The following NRAP variants were observed in gnomAD, a reference collection of about 807,000 sequenced individuals.
NRAP encodes nebulin related anchoring protein.
Under a neutral mutation model 225.9 loss-of-function variants are expected in NRAP, and 189 were observed. The observed-to-expected ratio is 0.84, with a 90% CI of 0.74 to 0.94. The LOEUF (loss-of-function observed/expected upper bound fraction) is 0.94. NRAP is among the 40% of genes least tolerant of loss of function. NRAP has a pLI of 0.00. For missense variants in NRAP, 2,176 were observed against 2,168.7 expected, an observed-to-expected ratio of 1.00 and a Z score of -0.07; for synonymous variants, 769 against 790.7, an observed-to-expected ratio of 0.97 and a Z score of 0.46.
In NRAP at chr10:113,646,909, T is replaced by C. The variant is rs371718380; in HGVS notation, c.993+14A>G. 5.8e-5 allele frequency: 92 copies of C among 1,577,626 alleles called. No homozygotes were observed. The highest frequency in any genetic ancestry group is 3.3e-4 in the Middle Eastern group (2 of 6,006). ...CTGCCTCTGGCTCTGTGGTCACACCTACATGGTACTTACGTCACTAGCGAG... is the reference window on the plus strand; with the variant it reads ...CTGCCTCTGGCTCTGTGGTCACACCCACATGGTACTTACGTCACTAGCGAG... On this transcript the variant is annotated intron_variant, in intron 10 of 41. Coordinates refer to ENST00000359988, the MANE Select transcript of NRAP (RefSeq NM_198060.4).
chr10:113,610,625 G>T, intron 30 of NRAP, 62 bp from the exon 31 acceptor site: 6 of 1,011,922 alleles, frequency 5.9e-6, no homozygotes, highest in Non-Finnish European at 7.8e-6. Context: ...GGGAAGCAAA[G>T]CAAAACCAGA....
Position 113,629,599 on chromosome 10 carries a change from G to A in NRAP, c.2029C>T (p.Leu677Phe). ...ATGTGTGGGCTCACCTCGCTCTGGA[G>A]CCCATAGGCCTTCTTGGCCCACTGA... ...KTQWAKKAYG[L>F]QSELQYKADL... is the part of the protein sequence containing the mutation. The change falls in exon 19 of 42, where the codon CTC becomes TTC. Residue 677 changes from leucine to phenylalanine, a missense_variant. Coordinates refer to ENST00000359988, the MANE Select transcript of NRAP (RefSeq NM_198060.4). The A allele has an allele frequency of 2.5e-6, 4 of 1,610,880 alleles. No homozygotes were observed. The highest frequency in any genetic ancestry group is 3.4e-6 in the Non-Finnish European group (4 of 1,177,210).
intron 26 of NRAP, among the ~76,000 whole-genome samples, chr10:113,616,363 A>C (rs1847662951): frequency 6.6e-6 from 1 of 152,212 alleles, no homozygotes. Flanking sequence ...GGCATCAGCC[A>C]CCAGAGAAAG....
At position 113,612,396 on chromosome 10, in the gene NRAP, C is replaced by A. The variant is rs187548104; in HGVS notation, c.3336G>T (p.Ala1112=). 2.5e-6 allele frequency: 4 copies of A among 1,614,122 alleles called. No individual in the cohort carries two copies. Among genetic ancestry groups the A allele is most frequent in the Middle Eastern group, 1.7e-4 (1 of 6,036 alleles). The change falls in exon 30 of 42, where the codon GCG becomes GCT. Residue 1112 remains alanine (A), a synonymous_variant. Transcript: ENST00000359988. The stretch of plus-strand genomic sequence containing the variant: ...CCATGTCCAACGGCAGATGGAACTG[C>A]GCCTTTGAGTGTTCAAAGCCTTTCT... ...NYKKGFEHSK[A]QFHLPLDMAA... is the part of the protein sequence containing the mutation.
chr10:113,602,368 G>C (rs1053551249), intron 35 of NRAP, among the ~76,000 whole-genome samples: 1 of 152,164 alleles, frequency 6.6e-6, no homozygotes, highest in Non-Finnish European at 1.5e-5. Flanking sequence ...GTTCTCCCAA[G>C]AAATAGGCCA....
Position 113,631,928 on chromosome 10 carries a change from T to C in NRAP, c.1669A>G (p.Lys557Glu). ...GCATCCAGCTTCATCTCAAATCCTT[T>C]CCCCTTTGTCTTCTCCCAGCCTTCT... Reference protein sequence around the residue: ...YKEGWEKTKGKGFEMKLDAMS... With the variant: ...YKEGWEKTKGEGFEMKLDAMS... The change falls in exon 17 of 42, where the codon AAA becomes GAA. Residue 557 changes from lysine (K) to glutamate (E), a missense_variant. By Grantham distance (56) the Lys-to-Glu change is moderately conservative. Transcript: ENST00000359988. 1 of 1,613,514 alleles carries C rather than the reference T, an allele frequency of 6.2e-7. No homozygotes were observed. The highest frequency in any genetic ancestry group is 8.5e-7 in the Non-Finnish European group (1 of 1,179,450).
chr10:113,595,408 C>G (rs1846229707), intron 38 of NRAP, among the ~76,000 whole-genome samples: 1 of 86,524 alleles, frequency 1.2e-5, no homozygotes, highest in South Asian at 3.6e-4. Flanking sequence ...CTCAGTTTAG[C>G]TCAGCCCATT....
At chr10:113,624,206 C>G (rs1416095553) in intron 22 of NRAP, among the ~76,000 whole-genome samples, 1 of 152,184 alleles carries the variant, frequency 6.6e-6, no homozygotes, top group African/African-American at 2.4e-5. Context: ...CCATCTATTT[C>G]TCAGATGAGG....
chr10:113,604,654 G>A lies in NRAP; in HGVS notation c.4182C>T (p.Asp1394=). The change falls in exon 35 of 42, where the codon GAC becomes GAT. Residue 1394 remains aspartate (D), a synonymous_variant. Transcript: ENST00000359988. ...QYHKFTALPE[D]LKMAWAKKAH... ...CTTTCTTGGCCCAGGCCATCTTCAG[G>A]TCCTCGGGCAGTGCTGTGAACTTGT... is the stretch of plus-strand genomic sequence containing the variant. 1 of 1,614,156 alleles carries A rather than the reference G, an allele frequency of 6.2e-7. No individual in the cohort carries two copies. The highest frequency in any genetic ancestry group is 1.1e-5 in the South Asian group (1 of 91,088).
chr10:113,640,202 A>G, intron 14 of NRAP, 25 bp downstream of exon 14: 1 of 1,362,648 alleles, frequency 7.3e-7, no homozygotes, highest in Non-Finnish European at 1.0e-6. Context: ...GACAAAGCAG[A>G]AAGAGCTGTT....
intron 5 of NRAP, 66 bp from the exon 6 acceptor site, chr10:113,653,105 C>T: frequency 1.2e-6 from 1 of 809,770 alleles, no homozygotes; most frequent in Non-Finnish European, 2.0e-6. Flanking sequence ...AAGAAAACCG[C>T]AATAAAACCA....
intron 9 of NRAP, 67 bp from the exon 10 acceptor site, chr10:113,647,094 G>C: frequency 1.0e-6 from 1 of 965,126 alleles, no homozygotes; most frequent in Non-Finnish European, 1.7e-6. Flanking sequence ...GTTCAGCAAT[G>C]GTCACTCATA....
In NRAP at chr10:113,626,053, C is replaced by G. The variant is rs781253953; in HGVS notation, c.2238G>C (p.Gln746His). Residue 746 changes from glutamine (Q) to histidine (H), a missense_variant, in exon 21 of 42, where the codon CAG becomes CAC. Around this residue, in one of 3 missense-constraint regions of NRAP, gnomAD observed 1,708 missense variants for 1,695.5 expected, o/e 1.01. Transcript: ENST00000359988. Reference sequence around the variant, plus strand: ...AGGGCAGCCCAGGACTCACCCCGCTCTGTAGCTCCTGGCTCTTCTTGGCGT... The same window carrying G: ...AGGGCAGCCCAGGACTCACCCCGCTGTGTAGCTCCTGGCTCTTCTTGGCGT... ...MEHAKKSQEL[Q>H]SGVAYKAGNE... The G allele has an allele frequency of 3.7e-6, 6 of 1,610,074 alleles. No homozygotes were observed. The South Asian group carries it at 6.7e-5, about 18-fold the overall frequency.
intron 3 of NRAP, among the ~76,000 whole-genome samples, chr10:113,659,303 C>T (rs950854006): frequency 1.3e-5 from 2 of 152,076 alleles, no homozygotes; most frequent in Non-Finnish European, 2.9e-5. Context: ...AGGTCTCCAC[C>T]CACCAGATGC....
chr10:113,653,785 C>A (rs1850134319), intron 5 of NRAP, among the ~76,000 whole-genome samples: 1 of 152,156 alleles, frequency 6.6e-6, no homozygotes. Context: ...CCTTTTCCAG[C>A]TTCTAGAGGC....
rs780840922 is a variant in NRAP at position 113,663,934 on chromosome 10, G to A, written c.-52C>T. On this transcript the variant is annotated 5_prime_UTR_variant, in exon 1 of 42. Coordinates refer to ENST00000359988, the MANE Select transcript of NRAP (RefSeq NM_198060.4). ...GATAGGCAACAGGCAAGAAATGCAAGGAGAACCCCCAGTCTAGTTCAAGTC... is the reference window on the plus strand; with the variant it reads ...GATAGGCAACAGGCAAGAAATGCAAAGAGAACCCCCAGTCTAGTTCAAGTC... The A allele has an allele frequency of 8.0e-6, 11 of 1,380,676 alleles. No individual in the cohort carries two copies. Among genetic ancestry groups the A allele is most frequent in the Admixed American group, 3.4e-5 (2 of 59,626 alleles). 85.5% of individuals were successfully genotyped at this position (1,380,676 alleles called of 1,614,324 possible). A position where few individuals can be genotyped will look rare whatever the true frequency, so the allele number is the denominator to read the frequency against.
At chr10:113,606,717 C>T (rs1247028653) in intron 32 of NRAP, among the ~76,000 whole-genome samples, 1 of 152,164 alleles carries the variant, frequency 6.6e-6, no homozygotes, top group Non-Finnish European at 1.5e-5. Context: ...GTGAATCACA[C>T]CAATGCTGCC....
At chr10:113,589,318 T>A (rs1270949759) in intron 41 of NRAP, 1 of 575,632 alleles carries the variant, frequency 1.7e-6, no homozygotes, top group Non-Finnish European at 3.1e-6. Flanking sequence ...GGGTTCAAAA[T>A]GCAGACTGTC....
intron 11 of NRAP, among the ~76,000 whole-genome samples, chr10:113,645,358 A>T (rs1849439926): frequency 6.6e-6 from 1 of 152,294 alleles, no homozygotes; most frequent in East Asian, 1.9e-4. Context: ...ATTTTACCGC[A>T]TATCTGTTCT....
Sources: allele counts gnomAD v4.1 joint callset (sites outside exome capture counted in the v4.1 genomes callset), GRCh38; gene constraint gnomAD v4.1.1; regional missense constraint gnomAD v4.1.1; transcripts MANE v1.5; gene names NCBI Gene and HGNC (gene_info 2026-07-23, HGNC 2026-07-21).